The following ATP8A2 variants were observed in gnomAD, a reference collection of about 807,000 sequenced individuals.
ATP8A2 encodes the protein phospholipid-transporting ATPase IB.
ATP8A2 carries 100 observed loss-of-function variants against 165.6 expected under a neutral mutation model. The ratio of observed to expected loss-of-function variants is 0.60; its 90% CI spans 0.51 to 0.71. ATP8A2 has a LOEUF of 0.71. Among genes scored for constraint, ATP8A2 ranks in the 30% least tolerant of loss-of-function variants. The pLI, the probability that ATP8A2 is intolerant of heterozygous loss-of-function variation, is 0.00. For missense variants in ATP8A2, 1,227 were observed against 1,479.5 expected, an observed-to-expected ratio of 0.83 and a Z score of 2.80; for synonymous variants, 543 against 548.8, an observed-to-expected ratio of 0.99 and a Z score of 0.15.
intron 27 of ATP8A2, among the ~76,000 whole-genome samples, chr13:25,794,820 TAC>T (rs3053488): frequency 0.07 from 9,759 of 139,462 alleles, 426 homozygotes; most frequent in Admixed American, 0.17. Flanking sequence ...TTCCCTCTCC[TAC>T]ACACACACAC....
chr13:25,550,506 T>G (rs1222213553), intron 10 of ATP8A2, among the ~76,000 whole-genome samples: 1 of 152,152 alleles, frequency 6.6e-6, no homozygotes. Context: ...TCCCAAATGT[T>G]CCACCTGAAC....
chr13:25,897,448 C>T (rs1315804198), intron 33 of ATP8A2, among the ~76,000 whole-genome samples: 1 of 151,396 alleles, frequency 6.6e-6, no homozygotes, highest in Non-Finnish European at 1.5e-5. Context: ...CGACCTTTCT[C>T]TCTGGCTGCC....
At chr13:25,548,040 A>G (rs1453822219) in intron 10 of ATP8A2, among the ~76,000 whole-genome samples, 1 of 152,132 alleles carries the variant, frequency 6.6e-6, no homozygotes, top group Non-Finnish European at 1.5e-5. Flanking sequence ...CCTGGGCAAC[A>G]TGGTGAGACC....
intron 30 of ATP8A2, among the ~76,000 whole-genome samples, chr13:25,848,747 A>G (rs1413732781): frequency 1.3e-5 from 2 of 152,110 alleles, no homozygotes; most frequent in East Asian, 1.9e-4. Context: ...TTATAAAGCA[A>G]CCTCCGATAC....
At chr13:25,408,845 A>G (rs1314144795) in intron 1 of ATP8A2, among the ~76,000 whole-genome samples, 1 of 152,250 alleles carries the variant, frequency 6.6e-6, no homozygotes, top group Non-Finnish European at 1.5e-5. Context: ...GATGCAGAAC[A>G]ATATTATGAT....
intron 24 of ATP8A2, among the ~76,000 whole-genome samples, chr13:25,590,839 A>T (rs2040052851): frequency 2.0e-5 from 3 of 152,136 alleles, no homozygotes; most frequent in Non-Finnish European, 4.4e-5. Flanking sequence ...CTACCCCTTC[A>T]TGAGACCAAG....
At chr13:25,541,801 C>T (rs907245464) in intron 8 of ATP8A2, 118 bp from the exon 9 acceptor site, 4 of 1,107,534 alleles carry the variant, frequency 3.6e-6, no homozygotes, top group Non-Finnish European at 3.8e-6. Context: ...TGTTAGCCCC[C>T]CAAATTATTG....
At chr13:25,373,728 T>A (rs1028537655) in intron 1 of ATP8A2, among the ~76,000 whole-genome samples, 5 of 152,112 alleles carry the variant, frequency 3.3e-5, no homozygotes, top group Admixed American at 6.5e-5. Flanking sequence ...TCTTTTGCGG[T>A]AAGGGAGGGT....
intron 2 of ATP8A2, among the ~76,000 whole-genome samples, chr13:25,516,783 C>CT (rs770018909): frequency 0.02 from 2,685 of 135,788 alleles, 45 homozygotes; most frequent in Non-Finnish European, 0.03. Flanking sequence ...TTCTTTCTTA[C>CT]TTTTTTTTTT....
chr13:25,958,848 CA>C (rs1486299356), intron 33 of ATP8A2, among the ~76,000 whole-genome samples: 2 of 152,158 alleles, frequency 1.3e-5, no homozygotes, highest in Admixed American at 1.3e-4. Context: ...CAAGAGAATT[CA>C]AAGTTCATTT....
intron 24 of ATP8A2, among the ~76,000 whole-genome samples, chr13:25,610,069 G>A (rs1479894131): frequency 1.3e-5 from 2 of 152,020 alleles, no homozygotes; most frequent in African/African-American, 2.4e-5. Flanking sequence ...TGGGTTGTGT[G>A]TTTACTCTAC....
At chr13:25,463,623 C>T (rs764904578) in intron 1 of ATP8A2, among the ~76,000 whole-genome samples, 3 of 152,184 alleles carry the variant, frequency 2.0e-5, no homozygotes, top group Non-Finnish European at 2.9e-5. Flanking sequence ...GTGACTTCCA[C>T]ATTCTTATTG....
intron 33 of ATP8A2, among the ~76,000 whole-genome samples, chr13:25,865,651 CTT>C (rs1952487962): frequency 6.6e-6 from 1 of 152,180 alleles, no homozygotes; most frequent in Admixed American, 6.5e-5. Context: ...ATCAAAGAGT[CTT>C]TATCTTCCCT....
intron 35 of ATP8A2, among the ~76,000 whole-genome samples, chr13:26,007,391 T>C (rs886923982): frequency 3.9e-5 from 6 of 152,236 alleles, no homozygotes; most frequent in African/African-American, 1.2e-4. Context: ...TTATAAGCTC[T>C]GGTTCCTGTT....
At chr13:25,533,123 G>A (rs1593479017) in intron 5 of ATP8A2, 150 bp from the exon 6 acceptor site, 4 of 623,732 alleles carry the variant, frequency 6.4e-6, no homozygotes, top group Non-Finnish European at 8.6e-6. Context: ...TCCATTTTGA[G>A]GGTGGGGGTG....
chr13:25,521,318 C>T (rs2037664580), intron 2 of ATP8A2, among the ~76,000 whole-genome samples: 1 of 151,850 alleles, frequency 6.6e-6, no homozygotes, highest in Admixed American at 6.6e-5. Flanking sequence ...GTATTTTCTC[C>T]CATTCTCTGG....
intron 1 of ATP8A2, among the ~76,000 whole-genome samples, chr13:25,442,246 G>A (rs1200650081): frequency 6.6e-6 from 1 of 152,028 alleles, no homozygotes; most frequent in East Asian, 1.9e-4. Flanking sequence ...CCATTCTTTT[G>A]GGTACATATA....
chr13:25,559,696 A>T, intron 14 of ATP8A2, 25 bp from the exon 15 acceptor site: 3 of 1,603,150 alleles, frequency 1.9e-6, no homozygotes, highest in Non-Finnish European at 2.6e-6. Flanking sequence ...TTTTGTGACC[A>T]CTCTGTTTTC....
intron 24 of ATP8A2, among the ~76,000 whole-genome samples, chr13:25,610,279 G>A (rs574654513): frequency 2.6e-5 from 4 of 152,220 alleles, no homozygotes; most frequent in African/African-American, 9.6e-5. Context: ...TCCATCTTGA[G>A]TTGATTTTTG....
Sources: gnomAD v4.1 joint callset for allele counts (sites outside exome capture counted in the v4.1 genomes callset) on GRCh38, gnomAD v4.1.1 for gene constraint, MANE v1.5 for transcripts, NCBI Gene and HGNC (gene_info 2026-07-23, HGNC 2026-07-21) for gene names.